Variants in ZNF131 observed in about 807,000 individuals in gnomAD.
The protein encoded by ZNF131 is zinc finger protein 131.
A neutral mutation model predicts 60.0 loss-of-function variants in ZNF131; 7 were observed. The ratio of observed to expected loss-of-function variants is 0.12; its 90% CI spans 0.07 to 0.22. The LOEUF is 0.22. ZNF131 is among the 10% of genes least tolerant of loss of function. ZNF131 has a pLI of 1.00. For missense variants in ZNF131, 493 were observed against 740.9 expected, an observed-to-expected ratio of 0.67 and a Z score of 3.88; for synonymous variants, 257 against 253.2, an observed-to-expected ratio of 1.01 and a Z score of -0.14.
intron 3 of ZNF131, among the ~76,000 whole-genome samples, chr5:43,129,955 C>T (rs868453315): frequency 4.6e-5 from 7 of 151,618 alleles, no homozygotes; most frequent in African/African-American, 1.5e-4. Flanking sequence ...CACACCCAGC[C>T]GAAACTTCTG....
In ZNF131 at chr5:43,175,444, T is replaced by C. The variant is rs1267116317; in HGVS notation, c.*311T>C. The C allele has an allele frequency of 1.4e-6, 1 of 698,914 alleles. No homozygotes were observed. Among genetic ancestry groups the C allele is most frequent in the Non-Finnish European group, 2.6e-6 (1 of 384,544 alleles). The allele number at this position is 698,914 out of a possible 1,614,324, so 43.3% of individuals were successfully genotyped here. A position where few individuals can be genotyped will look rare whatever the true frequency, so the allele number is the denominator to read the frequency against. ...TCATTGTGGTAAAAGTTCTTCCTTT[T>C]CTCTTTCCCAGGTCATGTTCTTCCT... is the stretch of plus-strand genomic sequence containing the variant. On this transcript the variant is annotated 3_prime_UTR_variant, in exon 7 of 7. Transcript: ENST00000682664.
chr5:43,128,677 A>AG (rs70991481), intron 3 of ZNF131, among the ~76,000 whole-genome samples: 1 of 141,074 alleles, frequency 7.1e-6, no homozygotes, highest in African/African-American at 2.6e-5. Context: ...AAAAAAAAAA[A>AG]CACACCTGGG....
chr5:43,122,269 T>A (rs11287008), intron 2 of ZNF131, 92 bp downstream of exon 2: 122,455 of 1,090,478 alleles, frequency 0.11, 4,112 homozygotes, highest in Non-Finnish European at 0.13. Flanking sequence ...TTTTTTTTTT[T>A]AACCCATCCT....
At chr5:43,122,937 C>T (rs1413584229) in intron 2 of ZNF131, among the ~76,000 whole-genome samples, 1 of 152,150 alleles carries the variant, frequency 6.6e-6, no homozygotes, top group African/African-American at 2.4e-5. Context: ...TTGGAAACAA[C>T]AGAGTGTCAA....
In ZNF131 at chr5:43,176,242, C is replaced by T. The variant is rs1181341262; in HGVS notation, c.*1109C>T. The stretch of plus-strand genomic sequence containing the variant: ...TACTTGGAAAATAAAATATAACAAA[C>T]CCATAGACCAATATGCTATTTTTTT... On this transcript the variant is annotated 3_prime_UTR_variant, in exon 7 of 7. Coordinates refer to ENST00000682664, the MANE Select transcript of ZNF131 (RefSeq NM_001330707.2). The T allele has an allele frequency of 6.6e-6, 1 of 151,990 alleles. No homozygotes were observed. Among genetic ancestry groups the T allele is most frequent in the East Asian group, 1.9e-4 (1 of 5,200 alleles). The allele number at this position is 151,990 out of a possible 1,614,324, so 9.4% of individuals were successfully genotyped here.
At chr5:43,144,317 C>T (rs1320406512) in intron 4 of ZNF131, among the ~76,000 whole-genome samples, 1 of 141,432 alleles carries the variant, frequency 7.1e-6, no homozygotes, top group East Asian at 2.1e-4. Context: ...CAACCTCCGC[C>T]TGCCAGGTTC....
chr5:43,136,750 G>T (rs1746171754), intron 3 of ZNF131, among the ~76,000 whole-genome samples: 2 of 150,148 alleles, frequency 1.3e-5, no homozygotes, highest in South Asian at 4.2e-4. Context: ...GCCTCCCAAG[G>T]TGCTGGGATT....
intron 4 of ZNF131, among the ~76,000 whole-genome samples, chr5:43,159,222 A>G (rs1342158445): frequency 6.6e-6 from 1 of 152,158 alleles, no homozygotes; most frequent in Non-Finnish European, 1.5e-5. Flanking sequence ...TCTCTTTATT[A>G]TATTGGACAA....
At chr5:43,128,696 A>C (rs1744903277) in intron 3 of ZNF131, among the ~76,000 whole-genome samples, 1 of 150,482 alleles carries the variant, frequency 6.6e-6, no homozygotes. Context: ...GGGTGCTCAT[A>C]ATAAAAAAAA....
intron 3 of ZNF131, among the ~76,000 whole-genome samples, chr5:43,128,370 C>T (rs1054791066): frequency 6.6e-6 from 1 of 152,066 alleles, no homozygotes; most frequent in Non-Finnish European, 1.5e-5. Context: ...TTAGAAGCAC[C>T]TGGGAGCTGG....
intron 4 of ZNF131, among the ~76,000 whole-genome samples, chr5:43,140,953 A>C (rs977936795): frequency 3.3e-5 from 5 of 152,176 alleles, no homozygotes; most frequent in Non-Finnish European, 7.4e-5. Context: ...TCCCAACCTT[A>C]AGTGATCCGC....
At chr5:43,127,581 G>A (rs1317458079) in intron 3 of ZNF131, among the ~76,000 whole-genome samples, 1 of 152,192 alleles carries the variant, frequency 6.6e-6, no homozygotes. Flanking sequence ...AGCAAATGAC[G>A]TGTATATAAA....
intron 3 of ZNF131, among the ~76,000 whole-genome samples, chr5:43,130,197 G>A (rs1745118321): frequency 6.9e-6 from 1 of 145,958 alleles, no homozygotes; most frequent in Non-Finnish European, 1.5e-5. Context: ...CTGAGAGGTG[G>A]AGATTGCAGT....
intron 3 of ZNF131, among the ~76,000 whole-genome samples, chr5:43,125,657 G>C (rs1217155013): frequency 6.6e-6 from 1 of 151,968 alleles, no homozygotes; most frequent in East Asian, 2.0e-4. Context: ...GTGGGCACCT[G>C]TAATCCCAGC....
At chr5:43,122,951 G>A (rs930421674) in intron 2 of ZNF131, among the ~76,000 whole-genome samples, 2 of 152,184 alleles carry the variant, frequency 1.3e-5, no homozygotes, top group African/African-American at 4.8e-5. Flanking sequence ...GTGTCAAGAG[G>A]CTCCTTACCT....
chr5:43,152,720 C>T (rs989284155), intron 4 of ZNF131, among the ~76,000 whole-genome samples: 4 of 152,188 alleles, frequency 2.6e-5, no homozygotes, highest in African/African-American at 9.7e-5. Context: ...GATCCTCCCA[C>T]CTCAGCCTCC....
intron 3 of ZNF131, among the ~76,000 whole-genome samples, chr5:43,133,090 G>T (rs1745573004): frequency 6.6e-6 from 1 of 152,056 alleles, no homozygotes. Flanking sequence ...ATAGCATTGA[G>T]ATATAAAGAA....
chr5:43,145,359 A>T (rs1747448334), intron 4 of ZNF131, among the ~76,000 whole-genome samples: 3 of 152,166 alleles, frequency 2.0e-5, no homozygotes. Flanking sequence ...ACTGGCTAAG[A>T]AGTAGTTTAC....
In ZNF131 at chr5:43,171,168, C is replaced by A. The variant is rs529621088; in HGVS notation, c.1055-2150C>A. Among the ~76,000 whole-genome samples, 6 of 151,602 alleles carry A rather than the reference C, an allele frequency of 4.0e-5. No homozygotes were observed. In the East Asian group the frequency reaches 1.2e-3, roughly 30 times the overall value. ...TCACTATGTTGGTCAGGCTGGTCTCCAACTCCTGACCTCACGTGATCCACC... is the reference window on the plus strand; with the variant it reads ...TCACTATGTTGGTCAGGCTGGTCTCAAACTCCTGACCTCACGTGATCCACC... On this transcript the variant is annotated intron_variant, in intron 5 of 6. Coordinates refer to ENST00000682664, the MANE Select transcript of ZNF131 (RefSeq NM_001330707.2).
Sources: allele counts gnomAD v4.1 joint callset (sites outside exome capture counted in the v4.1 genomes callset), GRCh38; gene constraint gnomAD v4.1.1; transcripts MANE v1.5; gene names NCBI Gene and HGNC (gene_info 2026-07-23, HGNC 2026-07-21).